The following ITGA8 variants were observed in gnomAD, a reference collection of about 807,000 sequenced individuals.
ITGA8 encodes integrin subunit alpha 8.
Under a neutral mutation model 142.3 loss-of-function variants are expected in ITGA8, and 91 were observed. That is an observed-to-expected ratio of 0.64 (90% confidence interval 0.54 to 0.76). The LOEUF (loss-of-function observed/expected upper bound fraction) is 0.76, where lower values mean the gene tolerates loss of function less well. Among genes scored for constraint, ITGA8 ranks in the 30% least tolerant of loss-of-function variants. ITGA8 has a pLI of 0.00. For synonymous variants in ITGA8, 505 were observed against 485.2 expected (o/e 1.04, Z -0.54); for missense variants, 1,406 against 1,327.7 (o/e 1.06, Z -0.92).
At chr10:15,672,474 A>G in intron 7 of ITGA8, 150 bp downstream of exon 7, 1 of 959,208 alleles carries the variant, frequency 1.0e-6, no homozygotes, top group Non-Finnish European at 1.5e-6. Context: ...AGCAGTATTA[A>G]AAAGAAAAGA....
chr10:15,605,662 C>T, intron 19 of ITGA8, 62 bp downstream of exon 19: 1 of 1,358,774 alleles, frequency 7.4e-7, no homozygotes, highest in Admixed American at 1.7e-5. Context: ...TCCAGAGAAC[C>T]TTTACATAAA....
chr10:15,558,283 A>AT (rs1043393742), intron 25 of ITGA8, 81 bp from the exon 26 acceptor site: 902 of 1,482,102 alleles, frequency 6.1e-4, no homozygotes, highest in Non-Finnish European at 6.6e-4. Context: ...ACTCTAGGCA[A>AT]TTTTTTTTTC....
At chr10:15,557,305 G>A (rs533369235) in intron 26 of ITGA8, among the ~76,000 whole-genome samples, 1 of 152,304 alleles carries the variant, frequency 6.6e-6, no homozygotes, top group South Asian at 2.1e-4. Context: ...GCTTGAACCC[G>A]AGAAGCAGAG....
At chr10:15,534,642 A>G (rs139234244) in intron 27 of ITGA8, among the ~76,000 whole-genome samples, 5 of 152,140 alleles carry the variant, frequency 3.3e-5, no homozygotes, top group Admixed American at 2.6e-4. Context: ...CTTTAATTAG[A>G]GTAAGCAATT....
Position 15,549,987 on chromosome 10 carries a change from C to T in ITGA8, c.2767-1419G>A, listed in dbSNP as rs952202512. On this transcript the variant is annotated intron_variant, in intron 26 of 29. Transcript: ENST00000378076. ...TGCTGATGTTGTTTGGCTATGTCCC[C>T]ACCCAAATCTCATCTTGAATTGTAG... 2.0e-5 allele frequency among the ~76,000 whole-genome samples: 3 copies of T among 152,170 alleles called. No homozygotes were observed. The South Asian group carries it at 6.2e-4, about 32-fold the overall frequency.
chr10:15,559,296 C>T (rs957164179), intron 25 of ITGA8, among the ~76,000 whole-genome samples: 8 of 152,202 alleles, frequency 5.3e-5, no homozygotes, highest in South Asian at 2.1e-4. Context: ...TCTTCGTTCC[C>T]GATGGCCCCA....
chr10:15,554,646 T>G (rs1274859449), intron 26 of ITGA8, among the ~76,000 whole-genome samples: 1 of 152,190 alleles, frequency 6.6e-6, no homozygotes, highest in Non-Finnish European at 1.5e-5. Context: ...CAGTGCATTT[T>G]CCACTTTAGT....
At chr10:15,624,464 G>T in intron 13 of ITGA8, among the ~76,000 whole-genome samples, 1 of 152,210 alleles carries the variant, frequency 6.6e-6, no homozygotes, top group East Asian at 1.9e-4. Flanking sequence ...ACTCTGCTTT[G>T]CTTTTGGACT....
At chr10:15,534,289 C>A (rs1463969615) in intron 27 of ITGA8, among the ~76,000 whole-genome samples, 1 of 152,232 alleles carries the variant, frequency 6.6e-6, no homozygotes, top group African/African-American at 2.4e-5. Flanking sequence ...GATTCTGATT[C>A]AGTGAGACTG....
At chr10:15,584,229 A>T (rs1186467051) in intron 23 of ITGA8, among the ~76,000 whole-genome samples, 3 of 152,228 alleles carry the variant, frequency 2.0e-5, no homozygotes, top group Non-Finnish European at 4.4e-5. Context: ...CCCTGGAGGG[A>T]GAGGTTGCAG....
intron 13 of ITGA8, among the ~76,000 whole-genome samples, chr10:15,630,034 T>C (rs1389464787): frequency 1.3e-5 from 2 of 152,054 alleles, no homozygotes; most frequent in Admixed American, 1.3e-4. Flanking sequence ...CCTCTTAAAA[T>C]AATTGAGACT....
In ITGA8 at chr10:15,644,194, C is replaced by T. The variant is rs771604018; in HGVS notation, c.1235G>A (p.Gly412Asp). 6.2e-7 allele frequency: 1 copy of T among 1,613,762 alleles called. No individual in the cohort carries two copies. Among genetic ancestry groups the T allele is most frequent in the South Asian group, 1.1e-5 (1 of 91,052 alleles). ...NDIAIGVPFA[G>D]KDQRGKVLIY... Reference sequence around the variant, plus strand: ...GAGCACTTTGCCTCTTTGATCCTTGCCTGCAAAAGGCACTCCGATGGCAAT... The same window carrying T: ...GAGCACTTTGCCTCTTTGATCCTTGTCTGCAAAAGGCACTCCGATGGCAAT... Residue 412 changes from glycine (G) to aspartate (D), a missense_variant, in exon 13 of 30, where the codon GGC becomes GAC. Gly to Asp is a moderately conservative substitution (Grantham distance 94, BLOSUM62 -1). Transcript: ENST00000378076.
intron 2 of ITGA8, among the ~76,000 whole-genome samples, chr10:15,693,084 A>G (rs565013262): frequency 9.2e-5 from 14 of 152,262 alleles, no homozygotes; most frequent in African/African-American, 2.4e-4. Context: ...AATAAAATAA[A>G]ATAAAATAAA....
intron 2 of ITGA8, among the ~76,000 whole-genome samples, chr10:15,690,373 A>T (rs1227590238): frequency 6.6e-6 from 1 of 152,140 alleles, no homozygotes; most frequent in Non-Finnish European, 1.5e-5. Context: ...CTGCAGAGCC[A>T]TGCCAGCGCT....
At chr10:15,633,466 C>T (rs1460846328) in intron 13 of ITGA8, among the ~76,000 whole-genome samples, 1 of 152,134 alleles carries the variant, frequency 6.6e-6, no homozygotes, top group East Asian at 1.9e-4. Context: ...AATTCTTGCT[C>T]TGTCACCCAG....
intron 7 of ITGA8, 145 bp from the exon 8 acceptor site, chr10:15,671,792 G>A (rs1006660649): frequency 1.9e-5 from 11 of 587,800 alleles, no homozygotes; most frequent in Non-Finnish European, 2.6e-5. Flanking sequence ...ATTCTATAAA[G>A]GGAAAAATTA....
In ITGA8 at chr10:15,597,932, C is replaced by T. The variant is rs948026203; in HGVS notation, c.2119-633G>A. Among the ~76,000 whole-genome samples the T allele has an allele frequency of 4.6e-5, 7 of 152,246 alleles. No individual in the cohort carries two copies. In the East Asian group the frequency reaches 1.4e-3, roughly 29 times the overall value. On this transcript the variant is annotated intron_variant, in intron 20 of 29. Transcript: ENST00000378076. ...TAGAAGAGGTTCTTGAAGCTATATA[C>T]TGGACAAATTCTCAAGGTTGAACAG...
Position 15,701,124 on chromosome 10 carries a change from G to A in ITGA8, c.344-13086C>T, listed in dbSNP as rs1036588168. 2.6e-5 allele frequency among the ~76,000 whole-genome samples: 4 copies of A among 152,130 alleles called. No homozygotes were observed. The East Asian group carries it at 5.8e-4, about 22-fold the overall frequency. Reference sequence around the variant, plus strand: ...AAATTTGTCAAGGGTACATTGTTCAGTATGATCCCACTTTTCTTTAAAAGT... The same window carrying A: ...AAATTTGTCAAGGGTACATTGTTCAATATGATCCCACTTTTCTTTAAAAGT... On this transcript the variant is annotated intron_variant, in intron 2 of 29. Transcript: ENST00000378076.
chr10:15,605,678 G>A (rs746094325), intron 19 of ITGA8, 46 bp downstream of exon 19: 3 of 1,464,078 alleles, frequency 2.0e-6, no homozygotes, highest in Non-Finnish European at 2.9e-6. Flanking sequence ...ATAAATACCT[G>A]TAATTCCATT....
Sources: allele counts gnomAD v4.1 joint callset (sites outside exome capture counted in the v4.1 genomes callset), GRCh38; gene constraint gnomAD v4.1.1; transcripts MANE v1.5; gene names NCBI Gene and HGNC (gene_info 2026-07-23, HGNC 2026-07-21).